Variants in PLD5 observed in about 807,000 individuals in gnomAD.
PLD5 encodes phospholipase D family member 5.
PLD5 carries 36 observed loss-of-function variants against 61.1 expected under a neutral mutation model. The ratio of observed to expected loss-of-function variants is 0.59; its 90% CI spans 0.45 to 0.78. PLD5 has a LOEUF of 0.78. PLD5 is among the 30% of genes least tolerant of loss of function. The probability of loss-of-function intolerance (pLI) is 0.00; values close to 1 mark genes in which losing one functional copy is unlikely to be tolerated. For synonymous variants in PLD5, 243 were observed against 242.8 expected (o/e 1.00, Z -0.01); for missense variants, 515 against 644.4 (o/e 0.80, Z 2.17).
At position 242,136,014 on chromosome 1, in the gene PLD5, G is replaced by A. The variant is rs530353834; in HGVS notation, c.736-11349C>T. Reference sequence around the variant, plus strand: ...TGAACTTGTTCCTCGGGGTGGGAGGGCGAGGGAGGAAAGAGCAGCCTGGTC... The same window carrying A: ...TGAACTTGTTCCTCGGGGTGGGAGGACGAGGGAGGAAAGAGCAGCCTGGTC... On this transcript the variant is annotated intron_variant, in intron 5 of 9. Transcript: ENST00000536534. Among the ~76,000 whole-genome samples the A allele has an allele frequency of 2.6e-5, 4 of 152,050 alleles. No individual in the cohort carries two copies. In the South Asian group the frequency reaches 8.6e-4, roughly 33 times the overall value.
chr1:242,437,381 C>T (rs1429634059), intron 1 of PLD5, among the ~76,000 whole-genome samples: 2 of 152,162 alleles, frequency 1.3e-5, no homozygotes, highest in Non-Finnish European at 2.9e-5. Context: ...ATCCTTTACC[C>T]TCCTAGCTCT....
chr1:242,234,171 C>A (rs1230687685), intron 4 of PLD5, among the ~76,000 whole-genome samples: 1 of 152,110 alleles, frequency 6.6e-6, no homozygotes, highest in East Asian at 1.9e-4. Flanking sequence ...AAATGAGATA[C>A]AAATTCATTT....
At chr1:242,295,270 A>G (rs1675591621) in intron 2 of PLD5, among the ~76,000 whole-genome samples, 1 of 152,128 alleles carries the variant, frequency 6.6e-6, no homozygotes, top group African/African-American at 2.4e-5. Flanking sequence ...GTAGTTTATC[A>G]ATCCGTCCCC....
At chr1:242,162,059 CG>C (rs749228521) in intron 5 of PLD5, among the ~76,000 whole-genome samples, 44 of 151,958 alleles carry the variant, frequency 2.9e-4, no homozygotes, top group South Asian at 4.2e-4. Context: ...ATTTGGCATA[CG>C]TTTTTTTAAA....
intron 5 of PLD5, among the ~76,000 whole-genome samples, chr1:242,216,401 G>C (rs1185027671): frequency 6.6e-6 from 1 of 152,194 alleles, no homozygotes; most frequent in Non-Finnish European, 1.5e-5. Context: ...ATGGCTAAAA[G>C]CAGCCTAATC....
At chr1:242,304,573 A>G (rs1676241372) in intron 2 of PLD5, among the ~76,000 whole-genome samples, 1 of 152,246 alleles carries the variant, frequency 6.6e-6, no homozygotes, top group Non-Finnish European at 1.5e-5. Flanking sequence ...AGTAGCACGT[A>G]AGCCTATGCA....
intron 1 of PLD5, among the ~76,000 whole-genome samples, chr1:242,442,593 A>C (rs971249209): frequency 5.3e-5 from 8 of 152,180 alleles, no homozygotes; most frequent in Non-Finnish European, 1.0e-4. Flanking sequence ...GCGGGGTGCT[A>C]ATTACAAGAT....
chr1:242,121,929 C>T (rs1290363875), intron 6 of PLD5, among the ~76,000 whole-genome samples: 3 of 120,762 alleles, frequency 2.5e-5, no homozygotes, highest in Admixed American at 1.2e-4. Context: ...CATCACACAC[C>T]AGGGCCTGTC....
At chr1:242,128,747 C>T (rs953919175) in intron 5 of PLD5, among the ~76,000 whole-genome samples, 1 of 152,086 alleles carries the variant, frequency 6.6e-6, no homozygotes, top group Non-Finnish European at 1.5e-5. Flanking sequence ...ACCAATATGG[C>T]CTAGTTAGGA....
intron 7 of PLD5, among the ~76,000 whole-genome samples, chr1:242,111,517 GA>G (rs1278298075): frequency 2.6e-5 from 4 of 152,000 alleles, no homozygotes; most frequent in South Asian, 2.1e-4. Flanking sequence ...GGGAGTGTAT[GA>G]TTTTTTTTCT....
intron 5 of PLD5, among the ~76,000 whole-genome samples, chr1:242,189,066 C>T (rs563264048): frequency 6.6e-6 from 1 of 152,178 alleles, no homozygotes; most frequent in African/African-American, 2.4e-5. Context: ...CATGAATTTG[C>T]AACAATAAAA....
intron 1 of PLD5, among the ~76,000 whole-genome samples, chr1:242,516,590 T>C (rs1669111740): frequency 6.6e-6 from 1 of 152,188 alleles, no homozygotes; most frequent in Admixed American, 6.5e-5. Flanking sequence ...GATTATCTCT[T>C]TCCCACTGCA....
At chr1:242,168,821 T>C (rs531823415) in intron 5 of PLD5, among the ~76,000 whole-genome samples, 2 of 148,678 alleles carry the variant, frequency 1.3e-5, no homozygotes, top group Admixed American at 1.4e-4. Context: ...ACACAGCTTA[T>C]CCATGACAGT....
At chr1:242,372,928 C>A (rs534415004) in intron 1 of PLD5, among the ~76,000 whole-genome samples, 2,070 of 152,192 alleles carry the variant, frequency 0.014, 51 homozygotes, top group African/African-American at 0.048. Flanking sequence ...GCAACAAAAG[C>A]CAGAATTGAC....
At chr1:242,097,815 C>T (rs6665777) in intron 9 of PLD5, among the ~76,000 whole-genome samples, 16,699 of 152,208 alleles carry the variant, frequency 0.11, 941 homozygotes, top group Non-Finnish European at 0.12. Context: ...ACATGAAGTC[C>T]TTGCCCATGC....
intron 1 of PLD5, among the ~76,000 whole-genome samples, chr1:242,445,290 T>C (rs1016676553): frequency 2.0e-5 from 3 of 152,214 alleles, no homozygotes; most frequent in African/African-American, 7.2e-5. Flanking sequence ...CCAAATCTGC[T>C]AAAACCCTGA....
At chr1:242,309,514 C>T (rs1489719251) in intron 2 of PLD5, among the ~76,000 whole-genome samples, 2 of 151,804 alleles carry the variant, frequency 1.3e-5, no homozygotes, top group Non-Finnish European at 2.9e-5. Context: ...GCTGGGATTA[C>T]AGGTGCATGC....
chr1:242,207,669 T>C (rs2148970699), intron 5 of PLD5, among the ~76,000 whole-genome samples: 1 of 148,752 alleles, frequency 6.7e-6, no homozygotes, highest in East Asian at 2.0e-4. Flanking sequence ...CTTTTTTCAT[T>C]GGTAAGTAGT....
intron 5 of PLD5, among the ~76,000 whole-genome samples, chr1:242,195,711 A>G (rs1206274833): frequency 1.3e-5 from 2 of 152,076 alleles, no homozygotes; most frequent in African/African-American, 4.8e-5. Flanking sequence ...GGGGACCTCT[A>G]CCCCATAGGG....
Sources: allele counts gnomAD v4.1 joint callset (sites outside exome capture counted in the v4.1 genomes callset), GRCh38; gene constraint gnomAD v4.1.1; transcripts MANE v1.5; gene names NCBI Gene and HGNC (gene_info 2026-07-23, HGNC 2026-07-21).